The following PRIM2 variants were observed in gnomAD, a reference collection of about 807,000 sequenced individuals.
PRIM2 encodes the protein DNA primase subunit 2.
A neutral mutation model predicts 67.3 loss-of-function variants in PRIM2; 39 were observed. The ratio of observed to expected loss-of-function variants is 0.58; its 90% confidence interval spans 0.45 to 0.76. The LOEUF is 0.76. Ranked by LOEUF, PRIM2 falls within the 30% of genes least tolerant of loss-of-function variation. PRIM2 has a pLI of 0.00. For missense variants in PRIM2, 398 were observed against 598.7 expected, an observed-to-expected ratio of 0.66 and a Z score of 3.50; for synonymous variants, 143 against 198.7, an observed-to-expected ratio of 0.72 and a Z score of 2.36.
chr6:57,351,133 G>A (rs1441290299), intron 5 of PRIM2, among the ~76,000 whole-genome samples: 1 of 151,630 alleles, frequency 6.6e-6, no homozygotes, highest in East Asian at 1.9e-4. Context: ...ATTAATTATA[G>A]GCTGAGTATC....
intron 10 of PRIM2, among the ~76,000 whole-genome samples, chr6:57,540,354 C>T (rs1394382494): frequency 4.8e-4 from 73 of 152,112 alleles, no homozygotes; most frequent in Middle Eastern, 3.4e-3. Context: ...CCGCAGTTGG[C>T]AAGTTGAAGA....
chr6:57,506,520 T>C (rs1391565639), intron 7 of PRIM2, among the ~76,000 whole-genome samples: 8 of 152,088 alleles, frequency 5.3e-5, no homozygotes, highest in Middle Eastern at 3.2e-3. Context: ...TGTTAAATGA[T>C]TGATTAGTAA....
chr6:57,645,973 T>C lies in PRIM2; in HGVS notation c.1345T>C (p.Cys449Arg). 1 of 1,605,542 alleles carries C rather than the reference T, an allele frequency of 6.2e-7. No individual in the cohort carries two copies. Among genetic ancestry groups the C allele is most frequent in the Non-Finnish European group, 8.5e-7 (1 of 1,172,220 alleles). The change falls in exon 14 of 14, where the codon TGT becomes CGT. Residue 449 changes from cysteine to arginine, a missense_variant. Physicochemically the swap from Cys to Arg is radical, Grantham distance 180. Transcript: ENST00000615550. ...FSLNHPNQFF[C>R]ESQRILNGGK... ...TTTGAATCATCCTAATCAGTTCTTT[T>C]GTGAGAGCCAACGTATTCTAAATGG...
intron 5 of PRIM2, among the ~76,000 whole-genome samples, chr6:57,372,358 C>T (rs1476110549): frequency 6.6e-6 from 1 of 152,162 alleles, no homozygotes; most frequent in East Asian, 1.9e-4. Flanking sequence ...GGTTTCTACT[C>T]ATATTAATTA....
intron 7 of PRIM2, among the ~76,000 whole-genome samples, chr6:57,502,871 C>T (rs1253355130): frequency 2.0e-5 from 3 of 152,162 alleles, no homozygotes; most frequent in African/African-American, 7.2e-5. Flanking sequence ...ACAGTTTCAA[C>T]TACATTGCAG....
the PRIM2 span, among the ~76,000 whole-genome samples, chr6:57,223,122 A>T: frequency 6.6e-6 from 1 of 152,248 alleles, no homozygotes; most frequent in Non-Finnish European, 1.5e-5. Flanking sequence ...AGCAACGCAA[A>T]AAAGCATCTG....
At chr6:57,419,574 C>T (rs1771394984) in intron 7 of PRIM2, among the ~76,000 whole-genome samples, 1 of 152,010 alleles carries the variant, frequency 6.6e-6, no homozygotes, top group Non-Finnish European at 1.5e-5. Context: ...GGAATTTGGG[C>T]TCCAGCCAAA....
the PRIM2 span, among the ~76,000 whole-genome samples, chr6:57,286,515 C>T: frequency 6.6e-6 from 1 of 152,098 alleles, no homozygotes; most frequent in East Asian, 1.9e-4. Context: ...GGAAAAGATT[C>T]CCTATTTAAT....
intron 5 of PRIM2, among the ~76,000 whole-genome samples, chr6:57,376,929 G>T (rs1400731143): frequency 6.6e-6 from 1 of 152,124 alleles, no homozygotes; most frequent in Admixed American, 6.5e-5. Flanking sequence ...CCAGGCTGGA[G>T]TGCAGTGGCA....
intron 7 of PRIM2, among the ~76,000 whole-genome samples, chr6:57,421,713 T>C (rs1323392069): frequency 1.3e-5 from 2 of 152,236 alleles, no homozygotes; most frequent in African/African-American, 2.4e-5. Flanking sequence ...TCCTCTTATG[T>C]TGCCAAATGA....
intron 7 of PRIM2, among the ~76,000 whole-genome samples, chr6:57,456,475 T>G (rs1268850575): frequency 1.8e-4 from 28 of 152,170 alleles, no homozygotes; most frequent in Non-Finnish European, 3.7e-4. Flanking sequence ...CTTGGAGGCT[T>G]TGTTCGTTTC....
At chr6:57,464,600 C>T (rs1773125046) in intron 7 of PRIM2, among the ~76,000 whole-genome samples, 1 of 152,068 alleles carries the variant, frequency 6.6e-6, no homozygotes, top group African/African-American at 2.4e-5. Flanking sequence ...TGGTGCCTAA[C>T]TCAGTGACTG....
chr6:57,246,816 G>A, the PRIM2 span, among the ~76,000 whole-genome samples: 1 of 151,724 alleles, frequency 6.6e-6, no homozygotes, highest in African/African-American at 2.4e-5. Context: ...GAGTACTCAT[G>A]TGCTCCTTCC....
chr6:57,547,774 G>T (rs1775318187), intron 10 of PRIM2, among the ~76,000 whole-genome samples: 1 of 152,172 alleles, frequency 6.6e-6, no homozygotes, highest in Admixed American at 6.5e-5. Flanking sequence ...TTATAATTGG[G>T]TCAAGGAACA....
At chr6:57,330,384 T>TTTTTTTTTTTTTTTG (rs1562696759) in intron 5 of PRIM2, among the ~76,000 whole-genome samples, 35 of 35,126 alleles carry the variant, frequency 1.0e-3, no homozygotes, top group African/African-American at 2.2e-3. Flanking sequence ...TGTTTTTTTG[T>TTTTTTTTTTTTTTTG]TTTTTTTTTT....
At chr6:57,471,191 T>C (rs1773329116) in intron 7 of PRIM2, among the ~76,000 whole-genome samples, 1 of 152,030 alleles carries the variant, frequency 6.6e-6, no homozygotes, top group Non-Finnish European at 1.5e-5. Flanking sequence ...ACAAAGACTG[T>C]GAGCTGTGGT....
At chr6:57,317,185 CT>C (rs1210656217), upstream of PRIM2, among the ~76,000 whole-genome samples, 2 of 152,304 alleles carry the variant, frequency 1.3e-5, no homozygotes, top group Non-Finnish European at 2.9e-5. Context: ...AAAAGAGCCC[CT>C]AATAGTGAGC....
chr6:57,247,784 C>G, the PRIM2 span, among the ~76,000 whole-genome samples: 13 of 152,238 alleles, frequency 8.5e-5, no homozygotes, highest in Non-Finnish European at 1.5e-5. Context: ...TTCTGTATGA[C>G]TCAAAGGATT....
At chr6:57,284,136 C>CT in the PRIM2 span, among the ~76,000 whole-genome samples, 7 of 152,100 alleles carry the variant, frequency 4.6e-5, no homozygotes, top group African/African-American at 1.4e-4. Context: ...ATAGAGCAAA[C>CT]TTTTTTCTGT....
Sources: allele counts gnomAD v4.1 joint callset (sites outside exome capture counted in the v4.1 genomes callset), GRCh38; gene constraint gnomAD v4.1.1; transcripts MANE v1.5; gene names NCBI Gene and HGNC (gene_info 2026-07-23, HGNC 2026-07-21).